Variants in GXYLT2 observed in about 807,000 individuals in gnomAD.
GXYLT2 encodes glycosyltransferase 8 domain containing 4.
A neutral mutation model predicts 45.8 loss-of-function variants in GXYLT2; 53 were observed. The ratio of observed to expected loss-of-function variants is 1.16; its 90% CI spans 0.93 to 1.46. The LOEUF (loss-of-function observed/expected upper bound fraction) is 1.46. GXYLT2 is among the 40% of genes most tolerant of loss of function. The pLI is 0.00. For synonymous variants in GXYLT2, 219 were observed against 214.2 expected, an observed-to-expected ratio of 1.02 and a Z score of -0.19; for missense variants, 551 against 544.4, an observed-to-expected ratio of 1.01 and a Z score of -0.12.
At chr3:72,963,204 C>T (rs540190655) in intron 5 of GXYLT2, among the ~76,000 whole-genome samples, 1 of 152,008 alleles carries the variant, frequency 6.6e-6, no homozygotes, top group South Asian at 2.1e-4. Flanking sequence ...CCTGTATTAC[C>T]ATGAAGTTAA....
At position 72,920,242 on chromosome 3, in the gene GXYLT2, C is replaced by G. The variant is rs559225920; in HGVS notation, c.469-1962C>G. On this transcript the variant is annotated intron_variant, in intron 2 of 6. Coordinates refer to ENST00000389617, the MANE Select transcript of GXYLT2 (RefSeq NM_001080393.2). The stretch of plus-strand genomic sequence containing the variant: ...CTCCGCCTTCCGAGTTGATGTGATT[C>G]TCCTGCCTCAGCCTCCTGAGTAGCT... Among the ~76,000 whole-genome samples the G allele has an allele frequency of 1.8e-4, 27 of 152,260 alleles. 2 individuals are homozygous for G. The South Asian group carries it at 4.6e-3, about 26-fold the overall frequency.
At chr3:72,952,396 G>A (rs978295453) in intron 3 of GXYLT2, among the ~76,000 whole-genome samples, 2 of 152,120 alleles carry the variant, frequency 1.3e-5, no homozygotes, top group African/African-American at 4.8e-5. Context: ...TCTAGTAGGT[G>A]AAGAACAAAA....
chr3:72,899,632 T>C (rs1430536229), intron 1 of GXYLT2, among the ~76,000 whole-genome samples: 1 of 152,148 alleles, frequency 6.6e-6, no homozygotes, highest in Non-Finnish European at 1.5e-5. Context: ...TAGTAGTAAC[T>C]CTCAACTGCC....
At chr3:72,921,975 T>G (rs1237148049) in intron 2 of GXYLT2, among the ~76,000 whole-genome samples, 1 of 152,242 alleles carries the variant, frequency 6.6e-6, no homozygotes, top group Non-Finnish European at 1.5e-5. Context: ...TACTCCCCTC[T>G]GCAGTTTCTC....
chr3:72,941,480 T>C (rs1710297433), intron 3 of GXYLT2, among the ~76,000 whole-genome samples: 1 of 152,214 alleles, frequency 6.6e-6, no homozygotes, highest in African/African-American at 2.4e-5. Flanking sequence ...TCCCAGATGC[T>C]GTGCACATTA....
chr3:72,930,559 T>C (rs557379566), intron 3 of GXYLT2, among the ~76,000 whole-genome samples: 1 of 148,088 alleles, frequency 6.8e-6, no homozygotes, highest in Non-Finnish European at 1.5e-5. Context: ...GAGATATGAG[T>C]GCCCCTCTTT....
At chr3:72,942,751 TAAAA>T (rs765539351) in intron 3 of GXYLT2, among the ~76,000 whole-genome samples, 1 of 108,294 alleles carries the variant, frequency 9.2e-6, no homozygotes, top group African/African-American at 3.3e-5. Flanking sequence ...GTCCAGGTTA[TAAAA>T]AAAAAAAAAA....
chr3:72,949,496 C>CTTTTTT (rs1710474173), intron 3 of GXYLT2, among the ~76,000 whole-genome samples: 2 of 108,108 alleles, frequency 1.8e-5, no homozygotes, highest in African/African-American at 6.9e-5. Context: ...TTCTTTCTTT[C>CTTTTTT]TTTTTCTTTT....
At chr3:72,898,238 C>T (rs1464192646) in intron 1 of GXYLT2, among the ~76,000 whole-genome samples, 1 of 152,100 alleles carries the variant, frequency 6.6e-6, no homozygotes, top group East Asian at 1.9e-4. Context: ...GTTGGGGAGA[C>T]CATTTTTCTT....
intron 3 of GXYLT2, among the ~76,000 whole-genome samples, chr3:72,933,675 A>G (rs1575798738): frequency 6.6e-6 from 1 of 152,100 alleles, no homozygotes; most frequent in Non-Finnish European, 1.5e-5. Context: ...TTAGAAGGCC[A>G]AGATGGGAAG....
intron 1 of GXYLT2, among the ~76,000 whole-genome samples, chr3:72,898,693 C>T (rs758349156): frequency 3.9e-5 from 6 of 152,086 alleles, no homozygotes; most frequent in Non-Finnish European, 7.4e-5. Context: ...AGGAGCCTTG[C>T]GTAGGGGCTT....
chr3:72,908,956 G>A (rs1709562818), intron 2 of GXYLT2, among the ~76,000 whole-genome samples: 2 of 151,960 alleles, frequency 1.3e-5, no homozygotes, highest in South Asian at 4.2e-4. Flanking sequence ...GCCCAGGTTG[G>A]CTTAAGCAGT....
chr3:72,960,520 G>C (rs1202843857), intron 5 of GXYLT2, among the ~76,000 whole-genome samples: 1 of 152,168 alleles, frequency 6.6e-6, no homozygotes, highest in Non-Finnish European at 1.5e-5. Flanking sequence ...AGTAAAACAG[G>C]ATATTGGAAA....
chr3:72,963,027 C>T (rs535312074), intron 5 of GXYLT2, among the ~76,000 whole-genome samples: 1 of 151,360 alleles, frequency 6.6e-6, no homozygotes, highest in Admixed American at 6.6e-5. Flanking sequence ...GAGTATTAAG[C>T]GAGGCCGGGT....
chr3:72,963,060 T>C (rs905357622), intron 5 of GXYLT2, among the ~76,000 whole-genome samples: 1 of 151,816 alleles, frequency 6.6e-6, no homozygotes, highest in Admixed American at 6.6e-5. Flanking sequence ...GCCTGTAATC[T>C]CAACGCTTTA....
intron 6 of GXYLT2, among the ~76,000 whole-genome samples, chr3:72,972,456 C>G (rs527558651): frequency 6.6e-6 from 1 of 151,804 alleles, no homozygotes; most frequent in African/African-American, 2.4e-5. Context: ...GCCTGGCCAA[C>G]ATGGTGAAAC....
At chr3:72,928,507 A>G (rs1047508012) in intron 3 of GXYLT2, among the ~76,000 whole-genome samples, 2 of 152,176 alleles carry the variant, frequency 1.3e-5, no homozygotes, top group East Asian at 1.9e-4. Flanking sequence ...TCTTATTGCT[A>G]CTAGCTAGCT....
intron 3 of GXYLT2, among the ~76,000 whole-genome samples, chr3:72,929,966 A>G (rs1709996677): frequency 6.6e-6 from 1 of 152,150 alleles, no homozygotes. Context: ...CAGAAGTTCA[A>G]AACCAGCCTG....
intron 6 of GXYLT2, among the ~76,000 whole-genome samples, chr3:72,974,594 C>CA (rs201831053): frequency 6.6e-6 from 1 of 152,170 alleles, no homozygotes; most frequent in Admixed American, 6.6e-5. Flanking sequence ...CTTAAGGACC[C>CA]AAATTTTTTT....
Sources: gnomAD v4.1 joint callset for allele counts (sites outside exome capture counted in the v4.1 genomes callset) on GRCh38, gnomAD v4.1.1 for gene constraint, MANE v1.5 for transcripts, NCBI Gene and HGNC (gene_info 2026-07-23, HGNC 2026-07-21) for gene names.